Variants in DDAH1 observed in about 807,000 individuals in gnomAD.
DDAH1 encodes the protein N(G),N(G)-dimethylarginine dimethylaminohydrolase 1.
In DDAH1, 19 loss-of-function variants were observed where a neutral mutation model predicts 28.8. The ratio of observed to expected loss-of-function variants is 0.66; its 90% confidence interval spans 0.46 to 0.97. DDAH1 has a LOEUF of 0.97. DDAH1 is among the 50% of genes least tolerant of loss of function. The pLI is 0.00. For missense variants in DDAH1, 326 were observed against 375.9 expected (o/e 0.87, Z 1.10); for synonymous variants, 153 against 154.4 (o/e 0.99, Z 0.07).
chr1:85,479,560 T>G (rs772442368), intron 2 of DDAH1, among the ~76,000 whole-genome samples: 137 of 152,240 alleles, frequency 9.0e-4, no homozygotes, highest in Non-Finnish European at 1.2e-3. Flanking sequence ...ACAATCGGGG[T>G]TTTCACCACT....
At chr1:85,557,250 G>C (rs766654945) in intron 1 of DDAH1, among the ~76,000 whole-genome samples, 2 of 152,196 alleles carry the variant, frequency 1.3e-5, no homozygotes, top group Non-Finnish European at 2.9e-5. Flanking sequence ...CCTGTGTTAA[G>C]TACAGTGTTA....
At chr1:85,371,338 C>T (rs538840071) in intron 1 of DDAH1, among the ~76,000 whole-genome samples, 1 of 152,108 alleles carries the variant, frequency 6.6e-6, no homozygotes, top group Non-Finnish European at 1.5e-5. Context: ...TAAAACATAG[C>T]AGTAAAGCTG....
chr1:85,342,683 C>T (rs1428843573), intron 4 of DDAH1, among the ~76,000 whole-genome samples: 3 of 152,124 alleles, frequency 2.0e-5, no homozygotes, highest in African/African-American at 7.2e-5. Flanking sequence ...CTAATGTAAT[C>T]GGGATATGTT....
intron 1 of DDAH1, among the ~76,000 whole-genome samples, chr1:85,411,241 A>G (rs1557597493): frequency 1.3e-5 from 2 of 152,246 alleles, no homozygotes; most frequent in African/African-American, 2.4e-5. Context: ...AAGAAATAGC[A>G]ATAAATTGTT....
At chr1:85,476,723 G>C in intron 2 of DDAH1, among the ~76,000 whole-genome samples, 1 of 152,122 alleles carries the variant, frequency 6.6e-6, no homozygotes, top group East Asian at 1.9e-4. Flanking sequence ...GAGGGGAACA[G>C]ACACTTTCTC....
chr1:85,533,133 A>G (rs1224740823), intron 1 of DDAH1, among the ~76,000 whole-genome samples: 3 of 152,212 alleles, frequency 2.0e-5, no homozygotes, highest in Non-Finnish European at 4.4e-5. Context: ...TTCACCAAAG[A>G]ACCTCATAGG....
chr1:85,454,963 G>C (rs1268599240), intron 1 of DDAH1, among the ~76,000 whole-genome samples: 2 of 152,298 alleles, frequency 1.3e-5, no homozygotes, highest in South Asian at 4.1e-4. Context: ...CTTTCGACTA[G>C]GGCCCTTCAA....
chr1:85,477,183 G>A (rs188418701), intron 2 of DDAH1, among the ~76,000 whole-genome samples: 2 of 152,280 alleles, frequency 1.3e-5, no homozygotes, highest in African/African-American at 4.8e-5. Flanking sequence ...CAAGGTGGGA[G>A]GGAATTTAGC....
intron 1 of DDAH1, among the ~76,000 whole-genome samples, chr1:85,528,119 C>T (rs1657936087): frequency 1.3e-5 from 2 of 151,600 alleles, no homozygotes; most frequent in South Asian, 2.1e-4. Context: ...CTGCATTCCA[C>T]AGTGAGTTAG....
chr1:85,385,678 C>T (rs1651222808), intron 1 of DDAH1, among the ~76,000 whole-genome samples: 1 of 152,170 alleles, frequency 6.6e-6, no homozygotes, highest in Admixed American at 6.5e-5. Context: ...ATAGGATCTA[C>T]CACTTACTTA....
intron 1 of DDAH1, among the ~76,000 whole-genome samples, chr1:85,538,465 C>G (rs1658360613): frequency 6.6e-6 from 1 of 152,082 alleles, no homozygotes; most frequent in African/African-American, 2.4e-5. Flanking sequence ...TTGGATTGCC[C>G]TAAAAGGGGA....
chr1:85,359,167 G>A (rs1412826955), intron 1 of DDAH1, among the ~76,000 whole-genome samples: 3 of 152,190 alleles, frequency 2.0e-5, no homozygotes, highest in African/African-American at 4.8e-5. Context: ...GTTGGAGTAC[G>A]ACCAGTTAAT....
intron 1 of DDAH1, among the ~76,000 whole-genome samples, chr1:85,456,773 T>C (rs1278942657): frequency 6.6e-6 from 1 of 152,206 alleles, no homozygotes; most frequent in African/African-American, 2.4e-5. Context: ...GTTTTCCTGA[T>C]ACACCCTCAT....
At chr1:85,409,726 C>T (rs1652560251) in intron 1 of DDAH1, among the ~76,000 whole-genome samples, 1 of 152,166 alleles carries the variant, frequency 6.6e-6, no homozygotes, top group African/African-American at 2.4e-5. Flanking sequence ...AATGGCATTT[C>T]ATGCTGTTTC....
At chr1:85,452,581 C>A (rs1431600786) in intron 1 of DDAH1, among the ~76,000 whole-genome samples, 2 of 151,796 alleles carry the variant, frequency 1.3e-5, no homozygotes, top group African/African-American at 2.4e-5. Flanking sequence ...TTTTACGATC[C>A]ACTTACGAGT....
intron 1 of DDAH1, among the ~76,000 whole-genome samples, chr1:85,527,082 T>G (rs1364065114): frequency 1.3e-5 from 2 of 152,212 alleles, no homozygotes; most frequent in African/African-American, 4.8e-5. Context: ...AGGAGAACTT[T>G]GTTTAAATGT....
At chr1:85,434,520 T>C (rs1379690669) in intron 1 of DDAH1, among the ~76,000 whole-genome samples, 6 of 151,802 alleles carry the variant, frequency 4.0e-5, no homozygotes, top group Admixed American at 3.9e-4. Flanking sequence ...AGGTCCAGGG[T>C]AGCTGGGACT....
chr1:85,493,514 A>G (rs1281113722), intron 2 of DDAH1: 1 of 152,238 alleles, frequency 6.6e-6, no homozygotes, highest in Non-Finnish European at 1.5e-5. Flanking sequence ...AAAGTGGCAA[A>G]ATAAATATTT....
At chr1:85,351,681 T>C in intron 2 of DDAH1, 102 bp from the exon 3 acceptor site, 3 of 845,472 alleles carry the variant, frequency 3.5e-6, no homozygotes, top group South Asian at 1.5e-5. Flanking sequence ...CACAGTTCTC[T>C]CTTACCACAG....
Sources: allele counts gnomAD v4.1 joint callset (sites outside exome capture counted in the v4.1 genomes callset), GRCh38; gene constraint gnomAD v4.1.1; transcripts MANE v1.5; gene names NCBI Gene and HGNC (gene_info 2026-07-23, HGNC 2026-07-21).